Variants in PPP1R1C observed in about 807,000 individuals in gnomAD.
PPP1R1C encodes the protein protein phosphatase 1 regulatory inhibitor subunit 1C, also known as protein phosphatase 1 regulatory subunit 1C.
A neutral mutation model predicts 17.4 loss-of-function variants in PPP1R1C; 15 were observed. The observed-to-expected ratio is 0.86, with a 90% CI of 0.58 to 1.33. PPP1R1C has a LOEUF of 1.33. Ranked by LOEUF, PPP1R1C falls within the 40% of genes most tolerant of loss-of-function variation. The probability of loss-of-function intolerance (pLI) is 0.00; values close to 1 mark genes in which losing one functional copy is unlikely to be tolerated. For synonymous variants in PPP1R1C, 35 were observed against 43.1 expected (o/e 0.81, Z 0.73); for missense variants, 143 against 130.0 (o/e 1.10, Z -0.48).
chr2:182,102,025 TG>T, intron 4 of PPP1R1C, among the ~76,000 whole-genome samples: 1 of 152,288 alleles, frequency 6.6e-6, no homozygotes, highest in South Asian at 2.1e-4. Context: ...AAAATAGGAT[TG>T]TAAAAATTAT....
At chr2:182,062,878 T>C (rs1687888045) in intron 3 of PPP1R1C, among the ~76,000 whole-genome samples, 1 of 152,038 alleles carries the variant, frequency 6.6e-6, no homozygotes, top group Non-Finnish European at 1.5e-5. Flanking sequence ...AAAGCAAAAA[T>C]AATTGCCCCA....
rs983755660 is a variant in PPP1R1C, at chr2:182,044,628, C to T, written c.143-16814C>T. ...TATGCTTCTCGCACACTCGGTGCTT[C>T]GTCTGTTGCAGCACTTATTTATCAT... On this transcript the variant is annotated intron_variant, in intron 2 of 4. Transcript: ENST00000682840. Among the ~76,000 whole-genome samples the T allele has an allele frequency of 5.3e-5, 8 of 152,138 alleles. 1 individual carries two copies. The highest frequency in any genetic ancestry group is 3.9e-4 in the Admixed American group (6 of 15,270).
chr2:182,115,787 A>G (rs573470579), intron 4 of PPP1R1C, among the ~76,000 whole-genome samples: 4 of 144,210 alleles, frequency 2.8e-5, no homozygotes, highest in African/African-American at 1.2e-4. Context: ...CTGTTTGCCA[A>G]ATAGCATTCT....
chr2:182,113,808 T>C (rs1271037787), intron 4 of PPP1R1C, among the ~76,000 whole-genome samples: 1 of 152,198 alleles, frequency 6.6e-6, no homozygotes, highest in Non-Finnish European at 1.5e-5. Flanking sequence ...ACAAATTTTG[T>C]GTTATCTACA....
At chr2:182,064,224 C>T in intron 4 of PPP1R1C, 1 of 173,370 alleles carries the variant, frequency 5.8e-6, no homozygotes, top group Non-Finnish European at 1.2e-5. Context: ...GTGTCAGGAG[C>T]AGCTCTAAGA....
At chr2:182,067,808 T>C (rs1039273765) in intron 4 of PPP1R1C, among the ~76,000 whole-genome samples, 5 of 152,146 alleles carry the variant, frequency 3.3e-5, no homozygotes, top group Non-Finnish European at 5.9e-5. Context: ...GGAAGTTTTA[T>C]TGGCACAGGG....
intron 4 of PPP1R1C, 121 bp downstream of exon 4, chr2:182,063,912 C>A (rs1687915714): frequency 3.8e-6 from 3 of 788,444 alleles, no homozygotes; most frequent in Admixed American, 3.6e-5. Flanking sequence ...TACAACTTAA[C>A]AGTGTTATGT....
At position 181,957,938 on chromosome 2, in the gene PPP1R1C, G is replaced by A. The variant is rs937123150; in HGVS notation, n.111+3304G>A. 6.6e-6 allele frequency among the ~76,000 whole-genome samples: 1 copy of A among 152,158 alleles called. No individual in the cohort carries two copies. The highest frequency in any genetic ancestry group is 1.5e-5 in the Non-Finnish European group (1 of 68,036). ...TGTGTACTCATTTAATTAATGGAAG[G>A]CTTCGAAGGCTTAATTCCTAAGAGG... On this transcript the variant is annotated intron_variant and non_coding_transcript_variant, in intron 1 of 5. Transcript: ENST00000464264. The surrounding 1 kb of genome is among the most constrained non-coding windows in gnomAD (Gnocchi z 4.2).
At chr2:182,118,903 T>TC (rs1689657867), downstream of PPP1R1C, among the ~76,000 whole-genome samples, 2 of 151,724 alleles carry the variant, frequency 1.3e-5, no homozygotes, top group African/African-American at 4.8e-5. Context: ...CATGACTTTT[T>TC]CTTTTTTTTT....
intron 2 of PPP1R1C, among the ~76,000 whole-genome samples, chr2:182,023,670 G>A (rs1304449518): frequency 6.6e-6 from 1 of 151,918 alleles, no homozygotes; most frequent in Admixed American, 6.6e-5. Context: ...CCTCAGGCTG[G>A]AGTACAGTGG....
chr2:182,057,316 G>C (rs570880947), intron 2 of PPP1R1C, among the ~76,000 whole-genome samples: 269 of 152,248 alleles, frequency 1.8e-3, no homozygotes, highest in Non-Finnish European at 3.0e-3. Flanking sequence ...AAGTGCTGTG[G>C]GTGTTGGTTG....
intron 4 of PPP1R1C, among the ~76,000 whole-genome samples, chr2:182,085,763 G>A (rs983335084): frequency 1.3e-5 from 2 of 152,142 alleles, no homozygotes; most frequent in East Asian, 1.9e-4. Context: ...ATGAAGAAAT[G>A]ACACTGCAAC....
chr2:181,987,866 T>G lies in PPP1R1C; in HGVS notation c.109T>G (p.Ser37Ala), dbSNP rs761781138. ...CAGGAAAAGAAGACCTACACCAGCA[T>G]CACTTGTGATTCTCAATGAGCATAA... is the stretch of plus-strand genomic sequence containing the variant. The part of the protein sequence containing the change: ...QIRKRRPTPA[S>A]LVILNEHNPP... The change falls in exon 2 of 5, where the codon TCA becomes GCA. Residue 37 changes from serine to alanine, a missense_variant. Coordinates refer to ENST00000682840, the MANE Select transcript of PPP1R1C (RefSeq NM_001080545.3). 11 of 1,613,308 alleles carry G rather than the reference T, an allele frequency of 6.8e-6. No homozygotes were observed.
chr2:182,108,187 G>A (rs1326527992), intron 4 of PPP1R1C, among the ~76,000 whole-genome samples: 1 of 151,988 alleles, frequency 6.6e-6, no homozygotes, highest in African/African-American at 2.4e-5. Flanking sequence ...CCTTGAATAT[G>A]TGCAGTTTAC....
chr2:182,036,016 C>G, intron 2 of PPP1R1C, among the ~76,000 whole-genome samples: 1 of 151,912 alleles, frequency 6.6e-6, no homozygotes, highest in East Asian at 1.9e-4. Context: ...CACACATTTG[C>G]TTTTCCACAT....
intron 4 of PPP1R1C, among the ~76,000 whole-genome samples, chr2:182,088,173 G>A (rs1282773753): frequency 6.6e-6 from 1 of 152,022 alleles, no homozygotes; most frequent in African/African-American, 2.4e-5. Flanking sequence ...ACACTGCATG[G>A]TATTTAAAGA....
intron 4 of PPP1R1C, among the ~76,000 whole-genome samples, chr2:182,115,842 G>A (rs16822619): frequency 0.028 from 4,225 of 152,192 alleles, 185 homozygotes; most frequent in African/African-American, 0.097. Flanking sequence ...CATTTCTTGA[G>A]ACTCTTTGTT....
rs975171211 is a variant in PPP1R1C at position 181,957,421 on chromosome 2, A to G, written n.111+2787A>G. ...AAGCCCTTGAAATTCCACTCAATTC[A>G]TGAAGCCATCTCAGTTTCTTCTGGG... is the stretch of plus-strand genomic sequence containing the variant. On this transcript the variant is annotated intron_variant and non_coding_transcript_variant, in intron 1 of 5. Coordinates refer to the PPP1R1C transcript ENST00000464264. This position sits in a 1 kb window ranked among gnomAD's most constrained non-coding sequence, Gnocchi z 4.2. Among the ~76,000 whole-genome samples the G allele has an allele frequency of 1.3e-5, 2 of 152,162 alleles. No individual in the cohort carries two copies. Among genetic ancestry groups the G allele is most frequent in the African/African-American group, 4.8e-5 (2 of 41,450 alleles).
intron 4 of PPP1R1C, among the ~76,000 whole-genome samples, chr2:182,109,562 T>C (rs750789350): frequency 3.5e-4 from 54 of 152,212 alleles, no homozygotes; most frequent in Non-Finnish European, 6.2e-4. Context: ...TTTTTGCATG[T>C]GGATGTCCAG....
Sources: gnomAD v4.1 joint callset for allele counts (sites outside exome capture counted in the v4.1 genomes callset) on GRCh38, gnomAD v4.1.1 for gene constraint, Gnocchi (gnomAD v3.1) non-coding constraint, MANE v1.5 for transcripts, NCBI Gene and HGNC (gene_info 2026-07-23, HGNC 2026-07-21) for gene names.